Variants in RABEP2 observed in about 807,000 individuals in gnomAD.
The protein encoded by RABEP2 is rabaptin, RAB GTPase binding effector protein 2.
Under a neutral mutation model 74.1 loss-of-function variants are expected in RABEP2, and 57 were observed. That is an observed-to-expected ratio of 0.77 (90% CI 0.62 to 0.96). RABEP2 has a LOEUF of 0.96. Ranked by LOEUF, RABEP2 falls within the 40% of genes least tolerant of loss-of-function variation. RABEP2 has a pLI of 0.00. For synonymous variants in RABEP2, 351 were observed against 344.0 expected, an observed-to-expected ratio of 1.02 and a Z score of -0.23; for missense variants, 692 against 756.3, an observed-to-expected ratio of 0.91 and a Z score of 1.00.
At chr16:28,915,020 T>C (rs1278995297) in intron 3 of RABEP2, among the ~76,000 whole-genome samples, 4 of 149,752 alleles carry the variant, frequency 2.7e-5, no homozygotes, top group African/African-American at 7.4e-5. Flanking sequence ...ACTCACCATG[T>C]CTTCCTTCTC....
chr16:28,924,900 T>C (rs1353083992), intron 1 of RABEP2: 1 of 790,794 alleles, frequency 1.3e-6, no homozygotes, highest in Non-Finnish European at 2.1e-6. Flanking sequence ...CGGGCCCCAC[T>C]TCGCACCTGT....
intron 2 of RABEP2, among the ~76,000 whole-genome samples, chr16:28,922,186 T>G (rs1407001617): frequency 6.6e-6 from 1 of 152,202 alleles, no homozygotes; most frequent in East Asian, 1.9e-4. Flanking sequence ...TGACCTCAAC[T>G]GATCCTCCCA....
rs971976488 is a variant in RABEP2 at position 28,915,500 on chromosome 16, A to G, written c.433-718T>C. Among the ~76,000 whole-genome samples, 5 of 152,262 alleles carry G rather than the reference A, an allele frequency of 3.3e-5. No individual in the cohort carries two copies. The East Asian group carries it at 7.7e-4, about 24-fold the overall frequency. The stretch of plus-strand genomic sequence containing the variant: ...GTTCCAGCTACTGAGATGGAAACAG[A>G]TAAGCCAAGGGGACCTTCCAGGACA... On this transcript the variant is annotated intron_variant, in intron 3 of 12. Coordinates refer to ENST00000358201, the MANE Select transcript of RABEP2 (RefSeq NM_024816.3).
chr16:28,916,579 C>T lies in RABEP2; in HGVS notation c.433-1797G>A, dbSNP rs147025355. ...CCAGCTACTCAGGGAGGCTGAGTCA[C>T]GAGAATCACTTGAACCCGGGAGGTG... On this transcript the variant is annotated intron_variant, in intron 3 of 12. Coordinates refer to ENST00000358201, the MANE Select transcript of RABEP2 (RefSeq NM_024816.3). 1.4e-3 allele frequency among the ~76,000 whole-genome samples: 210 copies of T among 147,766 alleles called. 7 individuals carry two copies. The East Asian group carries it at 0.036, about 26-fold the overall frequency.
intron 9 of RABEP2, 54 bp from the exon 10 acceptor site, chr16:28,905,932 G>A: frequency 6.2e-7 from 1 of 1,613,056 alleles, no homozygotes; most frequent in South Asian, 1.1e-5. Flanking sequence ...CCTCCCCGCT[G>A]CTGCCCACGC....
At chr16:28,925,075 C>G in intron 1 of RABEP2, 28 bp downstream of exon 1, 1 of 1,551,424 alleles carries the variant, frequency 6.4e-7, no homozygotes, top group South Asian at 1.2e-5. Flanking sequence ...TCACCGTTCC[C>G]CGCTTGCACG....
At chr16:28,910,767 G>A (rs1009804425) in intron 7 of RABEP2, 121 bp downstream of exon 7, 5 of 862,968 alleles carry the variant, frequency 5.8e-6, no homozygotes, top group African/African-American at 5.0e-5. Context: ...GTTCCAGGGT[G>A]TGGCCTGAGC....
At chr16:28,911,872 C>A (rs569986890) in intron 5 of RABEP2, among the ~76,000 whole-genome samples, 1 of 152,086 alleles carries the variant, frequency 6.6e-6, no homozygotes, top group South Asian at 2.1e-4. Flanking sequence ...TCGCTTGAAC[C>A]TGAAAGACAG....
At chr16:28,907,123 A>G (rs968862143) in intron 8 of RABEP2, among the ~76,000 whole-genome samples, 10 of 151,068 alleles carry the variant, frequency 6.6e-5, no homozygotes, top group African/African-American at 2.4e-4. Context: ...CAGGGTGGGG[A>G]AGGTGCCCCA....
Position 28,905,040 on chromosome 16 carries a change from C to A in RABEP2, c.1613G>T (p.Arg538Leu), listed in dbSNP as rs547810304. Residue 538 changes from arginine to leucine, a missense_variant, in exon 13 of 13, where the codon CGC becomes CTC. By Grantham distance (102) the Arg-to-Leu change is moderately radical. Coordinates refer to ENST00000358201, the MANE Select transcript of RABEP2 (RefSeq NM_024816.3). The part of the protein sequence containing the change: ...FVRLSQALQV[R>L]LERIRQAETL... ...CTCAGCCTGGCGGATCCGCTCTAGGCGCACCTGCCGGATCGGACGAGGGGA... is the reference window on the plus strand; with the variant it reads ...CTCAGCCTGGCGGATCCGCTCTAGGAGCACCTGCCGGATCGGACGAGGGGA... 1 of 1,602,884 alleles carries A rather than the reference C, an allele frequency of 6.2e-7. No individual in the cohort carries two copies. The highest frequency in any genetic ancestry group is 8.5e-7 in the Non-Finnish European group (1 of 1,177,422).
rs770945536 is a variant in RABEP2, at chr16:28,914,325, T to C, written c.805A>G (p.Thr269Ala). Residue 269 changes from threonine (T) to alanine (A), a missense_variant, in exon 5 of 13, where the codon ACG (threonine) becomes GCG (alanine). Transcript: ENST00000358201. ...EQEETASLVSTGTLVPEGIYL... is the reference protein window; with the variant it reads ...EQEETASLVSAGTLVPEGIYL... ...ATGCCCTCGGGAACCAGGGTGCCCG[T>C]AGACACCAGCGAGGCCGTCTCTTCC... 7 of 1,613,236 alleles carry C rather than the reference T, an allele frequency of 4.3e-6. No homozygotes were observed. The East Asian group carries it at 1.3e-4, about 31-fold the overall frequency.
At chr16:28,915,844 C>CT (rs1030046004) in intron 3 of RABEP2, among the ~76,000 whole-genome samples, 1 of 150,928 alleles carries the variant, frequency 6.6e-6, no homozygotes, top group African/African-American at 2.4e-5. Flanking sequence ...CCCAGGACAA[C>CT]TTTTTTTCTT....
In RABEP2 at chr16:28,905,039, G is replaced by T; in HGVS notation, c.1614C>A (p.Arg538=). Residue 538 remains arginine, a synonymous_variant, in exon 13 of 13, where the codon CGC becomes CGA. Coordinates refer to ENST00000358201, the MANE Select transcript of RABEP2 (RefSeq NM_024816.3). ...TCTCAGCCTGGCGGATCCGCTCTAG[G>T]CGCACCTGCCGGATCGGACGAGGGG... ...FVRLSQALQV[R]LERIRQAETL... is the part of the protein sequence containing the mutation. 1 of 1,604,106 alleles carries T rather than the reference G, an allele frequency of 6.2e-7. No homozygotes were observed.
At chr16:28,920,151 T>C (rs1238571596) in intron 2 of RABEP2, among the ~76,000 whole-genome samples, 3 of 152,090 alleles carry the variant, frequency 2.0e-5, no homozygotes, top group Non-Finnish European at 2.9e-5. Context: ...GGGACACTAC[T>C]GATCATCCTT....
At chr16:28,923,150 G>A (rs1032581543) in intron 2 of RABEP2, among the ~76,000 whole-genome samples, 7 of 152,098 alleles carry the variant, frequency 4.6e-5, no homozygotes, top group Non-Finnish European at 8.8e-5. Context: ...GCTCACACCT[G>A]TAATCCCAGC....
intron 2 of RABEP2, chr16:28,924,081 G>A (rs1425575352): frequency 2.7e-6 from 1 of 377,150 alleles, no homozygotes; most frequent in East Asian, 6.5e-5. Flanking sequence ...CTAAAATGAG[G>A]TTGGTTTGGG....
In RABEP2 at chr16:28,919,896, G is replaced by A. The variant is rs917913868; in HGVS notation, c.322C>T (p.Arg108Ter). ...TCACAGTCCTGCTGCTGCTGCTGTC[G>A]CTCCTGCTTCAGGGCGGTGATCTGG... is the stretch of plus-strand genomic sequence containing the variant. ...EAQITALKQERQQQQQDCEEK... is the reference protein window; with the variant it reads ...EAQITALKQE The change falls in exon 3 of 13, where the codon CGA (arginine) becomes TGA (stop). Residue 108 changes from arginine (R) to a stop codon, truncating the protein, a stop_gained. Coordinates refer to ENST00000358201, the MANE Select transcript of RABEP2 (RefSeq NM_024816.3). LOFTEE classifies it high-confidence loss of function. 4 of 1,607,900 alleles carry A rather than the reference G, an allele frequency of 2.5e-6. No homozygotes were observed. Among genetic ancestry groups the A allele is most frequent in the South Asian group, 1.1e-5 (1 of 90,350 alleles).
rs556096916 is a variant in RABEP2 at position 28,924,409 on chromosome 16, G to T, written c.268C>A (p.Leu90Met). The T allele has an allele frequency of 6.2e-7, 1 of 1,612,112 alleles. No homozygotes were observed. Among genetic ancestry groups the T allele is most frequent in the Non-Finnish European group, 8.5e-7 (1 of 1,179,862 alleles). ...GGTGAGTCCCGCGTCTCACCTTTCA[G>T]GATGGCCTGCAGCGAGGCCACCTCC... ...QEEVASLQAI[L>M]KDSISSYEAQ... is the part of the protein sequence containing the mutation. Residue 90 changes from leucine to methionine, a missense_variant, in exon 2 of 13, where the codon CTG (leucine) becomes ATG (methionine). Coordinates refer to ENST00000358201, the MANE Select transcript of RABEP2 (RefSeq NM_024816.3).
At chr16:28,919,970 AGAGG>A in intron 2 of RABEP2, 27 bp from the exon 3 acceptor site, 1 of 1,546,178 alleles carries the variant, frequency 6.5e-7, no homozygotes. Flanking sequence ...AGGGTGGGAG[AGAGG>A]GAGGGTCAAT....
Sources: gnomAD v4.1 joint callset for allele counts (sites outside exome capture counted in the v4.1 genomes callset) on GRCh38, gnomAD v4.1.1 for gene constraint, MANE v1.5 for transcripts, NCBI Gene and HGNC (gene_info 2026-07-23, HGNC 2026-07-21) for gene names.